Variants in ZNF514 observed in about 807,000 individuals in gnomAD.
The protein encoded by ZNF514 is zinc finger protein 514.
ZNF514 carries 12 observed loss-of-function variants against 9.7 expected under a neutral mutation model. That is an observed-to-expected ratio of 1.24 (90% confidence interval 0.79 to 2.01). ZNF514 has a LOEUF of 2.01. ZNF514 is among the 30% of genes most tolerant of loss of function. ZNF514 has a pLI of 0.00. For synonymous variants in ZNF514, 158 were observed against 163.7 expected (o/e 0.97, Z 0.27); for missense variants, 467 against 465.5 (o/e 1.00, Z -0.03).
At chr2:95,144,553 G>A (rs1228093298), downstream of ZNF514, among the ~76,000 whole-genome samples, 1 of 152,162 alleles carries the variant, frequency 6.6e-6, no homozygotes, top group African/African-American at 2.4e-5. Context: ...CTGCTGGGGA[G>A]ACAGAAGCTT....
rs1673415444 is a variant in ZNF514, at chr2:95,148,172, G to A, written c.*1110C>T. 6.6e-6 allele frequency: 1 copy of A among 152,202 alleles called. No homozygotes were observed. Among genetic ancestry groups the A allele is most frequent in the Non-Finnish European group, 1.5e-5 (1 of 68,056 alleles). 9.4% of individuals were successfully genotyped at this position (152,202 alleles called of 1,614,324 possible). A position where few individuals can be genotyped will look rare whatever the true frequency, so the allele number is the denominator to read the frequency against. On this transcript the variant is annotated 3_prime_UTR_variant, in exon 5 of 5. Coordinates refer to ENST00000295208, the MANE Select transcript of ZNF514 (RefSeq NM_032788.3). ...CTGTGAACCACAGGAAAGAGGCCCAGCCCAGTTAGGACTATAGGCCAAGGC... is the reference window on the plus strand; with the variant it reads ...CTGTGAACCACAGGAAAGAGGCCCAACCCAGTTAGGACTATAGGCCAAGGC...
At chr2:95,137,760 T>C in the ZNF514 span, among the ~76,000 whole-genome samples, 1 of 152,212 alleles carries the variant, frequency 6.6e-6, no homozygotes, top group African/African-American at 2.4e-5. Context: ...ATCCAAACTT[T>C]TATAGCAAGT....
the ZNF514 span, among the ~76,000 whole-genome samples, chr2:95,124,791 C>A: frequency 3.3e-5 from 5 of 151,956 alleles, no homozygotes; most frequent in African/African-American, 1.2e-4. Flanking sequence ...GCGTGAGCCA[C>A]TGCACCCAGG....
the ZNF514 span, among the ~76,000 whole-genome samples, chr2:95,129,326 A>G: frequency 1.3e-5 from 2 of 152,212 alleles, no homozygotes; most frequent in African/African-American, 2.4e-5. Context: ...AAAAGAGTCC[A>G]TGGCACTTGA....
chr2:95,155,886 T>C (rs1433662629), intron 2 of ZNF514, among the ~76,000 whole-genome samples: 1 of 152,136 alleles, frequency 6.6e-6, no homozygotes, highest in Non-Finnish European at 1.5e-5. Context: ...TCTTTCCCTC[T>C]GATACAAGAA....
the ZNF514 span, among the ~76,000 whole-genome samples, chr2:95,123,302 C>T: frequency 1.3e-5 from 2 of 152,206 alleles, no homozygotes; most frequent in African/African-American, 4.8e-5. Context: ...TCCTAGACCT[C>T]TTTGTCACCA....
chr2:95,151,358 A>G (rs1388532928), intron 4 of ZNF514, among the ~76,000 whole-genome samples: 2 of 152,212 alleles, frequency 1.3e-5, no homozygotes, highest in Non-Finnish European at 2.9e-5. Context: ...AGTCTCTAGA[A>G]GCTGGGAACA....
In ZNF514 at chr2:95,153,119, G is replaced by C. The variant is rs758336025; in HGVS notation, c.121+14C>G. The C allele has an allele frequency of 1.2e-6, 2 of 1,607,180 alleles. No individual in the cohort carries two copies. The highest frequency in any genetic ancestry group is 1.3e-5 in the African/African-American group (1 of 74,796). ...GAAGTCCTGCTGGGTGGGCTTTGGA[G>C]GGCTTGTGCTCACCCAGAATGGCCA... On this transcript the variant is annotated intron_variant, in intron 3 of 4. Transcript: ENST00000295208.
At chr2:95,136,723 G>A in the ZNF514 span, among the ~76,000 whole-genome samples, 2 of 152,004 alleles carry the variant, frequency 1.3e-5, no homozygotes, top group Non-Finnish European at 2.9e-5. Flanking sequence ...TGACAACCAT[G>A]GCCTAATATT....
At chr2:95,157,716 T>C (rs1673725481) in intron 1 of ZNF514, among the ~76,000 whole-genome samples, 1 of 152,200 alleles carries the variant, frequency 6.6e-6, no homozygotes, top group Admixed American at 6.5e-5. Flanking sequence ...TGAAGTTATT[T>C]ACTGGGCATA....
At chr2:95,130,730 TCC>T in the ZNF514 span, among the ~76,000 whole-genome samples, 1 of 152,252 alleles carries the variant, frequency 6.6e-6, no homozygotes, top group Non-Finnish European at 1.5e-5. Flanking sequence ...ATTGCTGTTA[TCC>T]TGTTCTTTTT....
At position 95,149,075 on chromosome 2, in the gene ZNF514, T is replaced by C. The variant is rs1369268012; in HGVS notation, c.*207A>G. Reference sequence around the variant, plus strand: ...TTACATTCACGTGGTTTCTCACTAGTATGGATTCTCCCATGTTTGGTAAGA... The same window carrying C: ...TTACATTCACGTGGTTTCTCACTAGCATGGATTCTCCCATGTTTGGTAAGA... On this transcript the variant is annotated 3_prime_UTR_variant, in exon 5 of 5. Transcript: ENST00000295208. The C allele has an allele frequency of 1.7e-6, 1 of 583,916 alleles. No homozygotes were observed. Among genetic ancestry groups the C allele is most frequent in the African/African-American group, 1.9e-5 (1 of 53,592 alleles). 36.2% of individuals were successfully genotyped at this position (583,916 alleles called of 1,614,324 possible). A position where few individuals can be genotyped will look rare whatever the true frequency, so the allele number is the denominator to read the frequency against.
chr2:95,148,601 G>C lies in ZNF514; in HGVS notation c.*681C>G, dbSNP rs1673429762. 1 of 152,170 alleles carries C rather than the reference G, an allele frequency of 6.6e-6. No individual in the cohort carries two copies. Among genetic ancestry groups the C allele is most frequent in the Non-Finnish European group, 1.5e-5 (1 of 68,046 alleles). The allele number at this position is 152,170 out of a possible 1,614,324, so 9.4% of individuals were successfully genotyped here. A position where few individuals can be genotyped will look rare whatever the true frequency, so the allele number is the denominator to read the frequency against. On this transcript the variant is annotated 3_prime_UTR_variant, in exon 5 of 5. Transcript: ENST00000295208. The stretch of plus-strand genomic sequence containing the variant: ...ACAAATTCTCTAACGTGTTTTGGTG[G>C]AACATCCACCAAAGCCCTTCCCACA...
At chr2:95,135,635 C>T in the ZNF514 span, among the ~76,000 whole-genome samples, 44 of 151,968 alleles carry the variant, frequency 2.9e-4, no homozygotes, top group Admixed American at 4.6e-4. Flanking sequence ...TTGTCCAGGC[C>T]GGTCTTGAAT....
chr2:95,127,983 A>C, the ZNF514 span, among the ~76,000 whole-genome samples: 1 of 152,236 alleles, frequency 6.6e-6, no homozygotes, highest in Non-Finnish European at 1.5e-5. Context: ...GCAGTGGCTC[A>C]CACCTGTAAT....
the ZNF514 span, among the ~76,000 whole-genome samples, chr2:95,127,986 C>T: frequency 2.7e-4 from 41 of 152,344 alleles, no homozygotes; most frequent in South Asian, 6.2e-4. Flanking sequence ...GTGGCTCACA[C>T]CTGTAATCCC....
chr2:95,158,310 G>A (rs1259923799), intron 1 of ZNF514, among the ~76,000 whole-genome samples: 7 of 152,206 alleles, frequency 4.6e-5, no homozygotes, highest in Non-Finnish European at 8.8e-5. Flanking sequence ...GGAAGCCCAC[G>A]GACTGGGCCC....
chr2:95,149,365 A>C lies in ZNF514; in HGVS notation c.1120T>G (p.Cys374Gly), dbSNP rs772852578. ...RFHTGEKPYK[C>G]NECGRAFAHT... is the part of the protein sequence containing the mutation. ...GCAAAGGCCCTTCCACACTCATTACATTTGTAGGGTTTCTCTCCAGTGTGA... is the reference window on the plus strand; with the variant it reads ...GCAAAGGCCCTTCCACACTCATTACCTTTGTAGGGTTTCTCTCCAGTGTGA... Residue 374 changes from cysteine to glycine, a missense_variant, in exon 5 of 5, where the codon TGT (cysteine) becomes GGT (glycine). Physicochemically the swap from Cys to Gly is radical, Grantham distance 159 (BLOSUM62 -3). Coordinates refer to ENST00000295208, the MANE Select transcript of ZNF514 (RefSeq NM_032788.3). 9 of 1,614,098 alleles carry C rather than the reference A, an allele frequency of 5.6e-6. No homozygotes were observed. In the Admixed American group the frequency reaches 1.5e-4, roughly 27 times the overall value.
intron 3 of ZNF514, 27 bp from the exon 4 acceptor site, chr2:95,152,796 T>C (rs763064701): frequency 6.3e-7 from 1 of 1,596,756 alleles, no homozygotes; most frequent in Admixed American, 1.7e-5. Context: ...AAAAGGATTT[T>C]GGTTGTGTGT....
Sources: allele counts gnomAD v4.1 joint callset (sites outside exome capture counted in the v4.1 genomes callset), GRCh38; gene constraint gnomAD v4.1.1; transcripts MANE v1.5; gene names NCBI Gene and HGNC (gene_info 2026-07-23, HGNC 2026-07-21).